ZDHHC18: variants seen among roughly 807,000 people sequenced by gnomAD.
ZDHHC18 encodes zDHHC palmitoyltransferase 18.
ZDHHC18 carries 23 observed loss-of-function variants against 37.5 expected under a neutral mutation model. That is an observed-to-expected ratio of 0.61 (90% CI 0.44 to 0.87). The LOEUF (loss-of-function observed/expected upper bound fraction) is 0.87. ZDHHC18 is among the 40% of genes least tolerant of loss of function. The pLI, the probability that ZDHHC18 is intolerant of heterozygous loss-of-function variation, is 0.00. For missense variants in ZDHHC18, 406 were observed against 525.6 expected (o/e 0.77, Z 2.22); for synonymous variants, 185 against 218.7 (o/e 0.85, Z 1.36).
chr1:26,826,743 C>A lies in ZDHHC18; in HGVS notation c.-62C>A. ...CGCCGCTGCCACCTCCGCTGCTCGG[C>A]CCGGTCCCGGAGTGGCCCGGCCGGC... On this transcript the variant is annotated 5_prime_UTR_variant, in exon 1 of 8. Transcript: ENST00000374142. The surrounding 1 kb of genome is among the most constrained non-coding windows in gnomAD (Gnocchi z 5.2). 2 of 851,784 alleles carry A rather than the reference C, an allele frequency of 2.3e-6. No homozygotes were observed. The highest frequency in any genetic ancestry group is 2.8e-6 in the Non-Finnish European group (2 of 710,244). 52.8% of individuals were successfully genotyped at this position (851,784 alleles called of 1,614,324 possible).
chr1:26,832,543 C>T lies in ZDHHC18; in HGVS notation c.432C>T (p.Phe144=). Residue 144 remains phenylalanine, a synonymous_variant, in exon 2 of 8, where the codon TTC becomes TTT. Coordinates refer to ENST00000374142, the MANE Select transcript of ZDHHC18 (RefSeq NM_032283.3). ...TGAGCTGCCTGCTGCAGACAAGCTT[C>T]ACCGACCCTGGGATCCTGCCCCGGG... ...FVMSCLLQTS[F]TDPGILPRAT... The T allele has an allele frequency of 6.2e-7, 1 of 1,614,212 alleles. No homozygotes were observed. The highest frequency in any genetic ancestry group is 1.1e-5 in the South Asian group (1 of 91,084).
chr1:26,853,096 T>C (rs1557646627), intron 7 of ZDHHC18: 1 of 459,048 alleles, frequency 2.2e-6, no homozygotes. Context: ...GCATTGGATA[T>C]GACATGTAAT....
intron 2 of ZDHHC18, among the ~76,000 whole-genome samples, chr1:26,838,526 A>C (rs1026352084): frequency 6.6e-6 from 1 of 152,186 alleles, no homozygotes; most frequent in African/African-American, 2.4e-5. Context: ...AGGCACCAGT[A>C]ATGTCATTAA....
intron 2 of ZDHHC18, among the ~76,000 whole-genome samples, chr1:26,842,066 G>A (rs1282200294): frequency 3.3e-5 from 5 of 151,790 alleles, no homozygotes; most frequent in African/African-American, 1.2e-4. Context: ...CCTGCAAGGT[G>A]GAGGTTGCAG....
chr1:26,851,501 C>T (rs537566118), intron 6 of ZDHHC18, among the ~76,000 whole-genome samples: 2 of 152,356 alleles, frequency 1.3e-5, no homozygotes, highest in African/African-American at 4.8e-5. Flanking sequence ...GCAGTACTCA[C>T]ACCACAGCAC....
chr1:26,830,106 C>T (rs1390209616), intron 1 of ZDHHC18, among the ~76,000 whole-genome samples: 1 of 152,222 alleles, frequency 6.6e-6, no homozygotes, highest in Non-Finnish European at 1.5e-5. Context: ...TCTCTGAAGG[C>T]CAGAGCATCT....
chr1:26,851,100 C>G (rs753504411), intron 5 of ZDHHC18, 29 bp from the exon 6 acceptor site: 3 of 1,601,750 alleles, frequency 1.9e-6, no homozygotes, highest in Non-Finnish European at 2.6e-6. Flanking sequence ...CCCCACCCTC[C>G]ACCCATTGAA....
In ZDHHC18 at chr1:26,852,733, G is replaced by A. The variant is rs762545577; in HGVS notation, c.937-20G>A. The A allele has an allele frequency of 3.7e-6, 6 of 1,609,660 alleles. No homozygotes were observed. In the Admixed American group the frequency reaches 1.0e-4, roughly 27 times the overall value. ...GAAGCAAAAGGAGGTACTTGACCTA[G>A]GCCTCCTTCCTGCTTGCAGATCAAA... On this transcript the variant is annotated intron_variant, in intron 6 of 7. Transcript: ENST00000374142.
chr1:26,847,668 T>C lies in ZDHHC18; in HGVS notation c.497-940T>C, dbSNP rs886355875. Among the ~76,000 whole-genome samples, 6 of 152,150 alleles carry C rather than the reference T, an allele frequency of 3.9e-5. No homozygotes were observed. In the South Asian group the frequency reaches 1.0e-3, roughly 26 times the overall value. On this transcript the variant is annotated intron_variant, in intron 2 of 7. Coordinates refer to ENST00000374142, the MANE Select transcript of ZDHHC18 (RefSeq NM_032283.3). Reference sequence around the variant, plus strand: ...TTTTAATTTAGAATCATCTCCTCTCTGCCTCTCTTTCTCTCTCTCTCTTTT... The same window carrying C: ...TTTTAATTTAGAATCATCTCCTCTCCGCCTCTCTTTCTCTCTCTCTCTTTT...
At chr1:26,851,612 GT>G (rs2081704773) in intron 6 of ZDHHC18, among the ~76,000 whole-genome samples, 1 of 152,244 alleles carries the variant, frequency 6.6e-6, no homozygotes, top group Admixed American at 6.5e-5. Flanking sequence ...GGACAGGGAT[GT>G]TTTTTCCCCA....
intron 2 of ZDHHC18, among the ~76,000 whole-genome samples, chr1:26,841,071 G>A (rs2081636703): frequency 6.6e-6 from 1 of 152,006 alleles, no homozygotes; most frequent in South Asian, 2.1e-4. Flanking sequence ...CTGCCTCCCG[G>A]GTTCAAGTGA....
rs1160107464 is a variant in ZDHHC18, at chr1:26,855,539, A to C, written c.*1696A>C. 1.3e-5 allele frequency: 2 copies of C among 152,754 alleles called. No individual in the cohort carries two copies. The highest frequency in any genetic ancestry group is 4.8e-5 in the African/African-American group (2 of 41,462). The allele number at this position is 152,754 out of a possible 1,614,324, so 9.5% of individuals were successfully genotyped here. On this transcript the variant is annotated 3_prime_UTR_variant, in exon 8 of 8. Coordinates refer to ENST00000374142, the MANE Select transcript of ZDHHC18 (RefSeq NM_032283.3). ...GTGGTCACAGACAGCTGGGAATGGC[A>C]GCCACAGAGGGTCCCCTCTGGGAGA... is the stretch of plus-strand genomic sequence containing the variant.
intron 1 of ZDHHC18, 44 bp from the exon 2 acceptor site, chr1:26,832,403 A>G (rs1018737370): frequency 1.2e-6 from 2 of 1,607,718 alleles, no homozygotes; most frequent in Admixed American, 3.3e-5. Context: ...TGCCGCAGGG[A>G]GCCCTTGGGG....
intron 2 of ZDHHC18, among the ~76,000 whole-genome samples, chr1:26,845,433 A>C (rs2081659137): frequency 1.5e-5 from 2 of 136,866 alleles, no homozygotes; most frequent in Non-Finnish European, 3.0e-5. Flanking sequence ...CCCTGGTTCA[A>C]GTGATTTTCA....
intron 7 of ZDHHC18, among the ~76,000 whole-genome samples, 199 bp from the exon 8 acceptor site, chr1:26,853,527 A>G (rs2081717511): frequency 6.6e-6 from 1 of 152,230 alleles, no homozygotes; most frequent in Non-Finnish European, 1.5e-5. Flanking sequence ...TCTGTGGCCA[A>G]AAGCCAGGTG....
chr1:26,850,562 T>C lies in ZDHHC18; in HGVS notation c.789T>C (p.Ala263=). The C allele has an allele frequency of 6.2e-7, 1 of 1,614,112 alleles. No homozygotes were observed. Among genetic ancestry groups the C allele is most frequent in the Non-Finnish European group, 8.5e-7 (1 of 1,180,024 alleles). The part of the protein sequence containing the change: ...ACVVTHLTLR[A]QGSNFLSTLK... ...CTCCTGTTTCTTTCTCCCCAGGCGC[T>C]CAGGGAAGCAACTTCCTCTCCACTC... Residue 263 remains alanine (A), a synonymous_variant, in exon 5 of 8, where the codon GCT becomes GCC. Transcript: ENST00000374142. The surrounding 1 kb of genome is among the most constrained non-coding windows in gnomAD (Gnocchi z 6.1).
Position 26,848,649 on chromosome 1 carries a change from C to A in ZDHHC18, c.538C>A (p.Arg180=). The change falls in exon 3 of 8, where the codon CGG becomes AGG. Residue 180 remains arginine (R), a synonymous_variant. Transcript: ENST00000374142. ...TACATACCGGCCACCCCCTCGGACC[C>A]GGGAGGTGCTGATCAACGGGCAGAT... ...SSTYRPPPRT[R]EVLINGQMVK... is the part of the protein sequence containing the mutation. The A allele has an allele frequency of 6.2e-7, 1 of 1,614,084 alleles. No homozygotes were observed. Among genetic ancestry groups the A allele is most frequent in the Non-Finnish European group, 8.5e-7 (1 of 1,179,956 alleles).
chr1:26,842,795 T>C (rs925190596), intron 2 of ZDHHC18, among the ~76,000 whole-genome samples: 2 of 152,284 alleles, frequency 1.3e-5, no homozygotes, highest in East Asian at 1.9e-4. Flanking sequence ...TTCACTGATA[T>C]ATGCCAAGTG....
intron 2 of ZDHHC18, among the ~76,000 whole-genome samples, chr1:26,846,309 TA>T (rs1412671380): frequency 2.3e-4 from 17 of 72,540 alleles, no homozygotes; most frequent in Non-Finnish European, 3.0e-4. Context: ...TATATATATA[TA>T]TTTTTTTTTT....
Sources: allele counts gnomAD v4.1 joint callset (sites outside exome capture counted in the v4.1 genomes callset), GRCh38; gene constraint gnomAD v4.1.1; non-coding constraint Gnocchi (gnomAD v3.1); transcripts MANE v1.5; gene names NCBI Gene and HGNC (gene_info 2026-07-23, HGNC 2026-07-21).